Variants in CCDC178 observed in about 807,000 individuals in gnomAD.
CCDC178 encodes the protein coiled-coil domain containing 178.
A neutral mutation model predicts 117.4 loss-of-function variants in CCDC178; 126 were observed. That is an observed-to-expected ratio of 1.07 (90% CI 0.93 to 1.24). CCDC178 has a LOEUF of 1.24. Ranked by LOEUF, CCDC178 falls within the 50% of genes most tolerant of loss-of-function variation. CCDC178 has a pLI of 0.00. For synonymous variants in CCDC178, 283 were observed against 313.4 expected (o/e 0.90, Z 1.02); for missense variants, 1,030 against 986.9 (o/e 1.04, Z -0.59).
intron 2 of CCDC178, among the ~76,000 whole-genome samples, chr18:33,434,433 A>G (rs1322791426): frequency 1.3e-5 from 2 of 152,146 alleles, no homozygotes; most frequent in African/African-American, 4.8e-5. Flanking sequence ...ATAATTTTAT[A>G]CATGATTTCA....
At chr18:33,025,883 A>G (rs2144843774) in intron 21 of CCDC178, among the ~76,000 whole-genome samples, 1 of 152,270 alleles carries the variant, frequency 6.6e-6, no homozygotes, top group East Asian at 1.9e-4. Context: ...CATTCGTCCC[A>G]GAGAAGTGAC....
At chr18:33,290,923 T>C (rs931773554) in intron 12 of CCDC178, among the ~76,000 whole-genome samples, 1 of 152,126 alleles carries the variant, frequency 6.6e-6, no homozygotes, top group African/African-American at 2.4e-5. Flanking sequence ...GAAACTCACT[T>C]CACATTACAC....
intron 9 of CCDC178, among the ~76,000 whole-genome samples, 163 bp downstream of exon 9, chr18:33,346,048 G>A (rs1207149022): frequency 6.6e-6 from 1 of 151,924 alleles, no homozygotes; most frequent in Admixed American, 6.6e-5. Flanking sequence ...GGCTGGTCTC[G>A]AACTCCTGGG....
At chr18:33,149,409 C>G (rs1568018740) in intron 20 of CCDC178, among the ~76,000 whole-genome samples, 3 of 152,096 alleles carry the variant, frequency 2.0e-5, no homozygotes, top group Admixed American at 1.3e-4. Context: ...GCTATGTGAA[C>G]AAAAAACAAG....
chr18:33,435,959 T>C (rs2064284284), intron 2 of CCDC178, among the ~76,000 whole-genome samples: 1 of 152,068 alleles, frequency 6.6e-6, no homozygotes, highest in Non-Finnish European at 1.5e-5. Context: ...ATATGGGTGC[T>C]TTTTAATGAC....
At chr18:33,075,096 A>T (rs2057180850) in intron 21 of CCDC178, among the ~76,000 whole-genome samples, 1 of 152,160 alleles carries the variant, frequency 6.6e-6, no homozygotes, top group African/African-American at 2.4e-5. Context: ...TTAAACAGGT[A>T]GAAAGACATT....
chr18:33,174,177 G>A (rs139786935), intron 20 of CCDC178, among the ~76,000 whole-genome samples: 20 of 152,246 alleles, frequency 1.3e-4, no homozygotes, highest in Non-Finnish European at 2.6e-4. Context: ...CAGAGAGAGA[G>A]TCGGCAGGAG....
At chr18:33,099,517 G>C (rs188796112) in intron 20 of CCDC178, among the ~76,000 whole-genome samples, 2 of 152,082 alleles carry the variant, frequency 1.3e-5, no homozygotes, top group African/African-American at 4.8e-5. Context: ...CTGTTTGTGA[G>C]TAACTTCAAA....
intron 21 of CCDC178, among the ~76,000 whole-genome samples, chr18:33,086,399 T>C (rs2057378148): frequency 6.6e-6 from 1 of 150,570 alleles, no homozygotes; most frequent in Admixed American, 6.7e-5. Flanking sequence ...TATACATGTA[T>C]GTATATATAC....
chr18:33,177,337 A>G (rs922988705), intron 20 of CCDC178, among the ~76,000 whole-genome samples: 2 of 152,182 alleles, frequency 1.3e-5, no homozygotes, highest in African/African-American at 4.8e-5. Context: ...CGTTCTGCAC[A>G]TGTATCCCAG....
chr18:33,347,570 C>G lies in CCDC178; in HGVS notation c.458-1159G>C, dbSNP rs2062913784. 2.0e-5 allele frequency among the ~76,000 whole-genome samples: 3 copies of G among 152,228 alleles called. No homozygotes were observed. The South Asian group carries it at 6.2e-4, about 32-fold the overall frequency. ...GTCAAATTCTACCACATCTTGGATA[C>G]TTTAAAATTAATTGTCTTTTTTAAA... On this transcript the variant is annotated intron_variant, in intron 8 of 22. Transcript: ENST00000383096.
intron 11 of CCDC178, among the ~76,000 whole-genome samples, chr18:33,308,788 C>G (rs886455717): frequency 2.0e-5 from 3 of 152,120 alleles, no homozygotes; most frequent in African/African-American, 4.8e-5. Context: ...TAAGAGGTTT[C>G]CCCCTTCATT....
At chr18:33,263,611 G>C (rs934551307) in intron 14 of CCDC178, among the ~76,000 whole-genome samples, 1 of 151,988 alleles carries the variant, frequency 6.6e-6, no homozygotes, top group Non-Finnish European at 1.5e-5. Flanking sequence ...CAATGTTAGG[G>C]TCTCAATCTC....
chr18:33,203,350 G>A (rs1367522703), intron 20 of CCDC178, among the ~76,000 whole-genome samples: 6 of 151,872 alleles, frequency 4.0e-5, no homozygotes, highest in Non-Finnish European at 5.9e-5. Flanking sequence ...TTGCTTTCCT[G>A]TCACATAATT....
chr18:33,284,810 T>A (rs773102773), intron 12 of CCDC178, among the ~76,000 whole-genome samples: 117 of 152,216 alleles, frequency 7.7e-4, no homozygotes, highest in Non-Finnish European at 1.2e-3. Flanking sequence ...TAATCTTATG[T>A]GAGAACGCAA....
At chr18:33,030,522 A>AAGATAGATAGATAGATAGAT (rs61043322) in intron 21 of CCDC178, among the ~76,000 whole-genome samples, 13 of 140,778 alleles carry the variant, frequency 9.2e-5, no homozygotes, top group East Asian at 4.1e-4. Context: ...GAACTGATAG[A>AAGATAGATAGATAGATAGAT]AGATAGATAG....
chr18:33,035,429 A>G (rs1191762225), intron 21 of CCDC178, among the ~76,000 whole-genome samples: 1 of 152,028 alleles, frequency 6.6e-6, no homozygotes, highest in African/African-American at 2.4e-5. Flanking sequence ...GAATATAATC[A>G]GTCATAAAAA....
intron 20 of CCDC178, among the ~76,000 whole-genome samples, chr18:33,164,103 CT>C (rs34932085): frequency 0.79 from 87,692 of 111,316 alleles, 34,873 homozygotes; most frequent in South Asian, 0.86. Flanking sequence ...CGCTTACATT[CT>C]TTTTTTTTTT....
chr18:32,984,685 CAAT>C (rs1476244802), intron 21 of CCDC178, among the ~76,000 whole-genome samples: 1 of 151,604 alleles, frequency 6.6e-6, no homozygotes, highest in African/African-American at 2.4e-5. Flanking sequence ...ATTGTTAAAC[CAAT>C]AATAAAACAA....
Sources: allele counts gnomAD v4.1 joint callset (sites outside exome capture counted in the v4.1 genomes callset), GRCh38; gene constraint gnomAD v4.1.1; transcripts MANE v1.5; gene names NCBI Gene and HGNC (gene_info 2026-07-23, HGNC 2026-07-21).